Variants in NHS observed in about 807,000 individuals in gnomAD.
NHS encodes NHS actin remodeling regulator, also known as actin remodeling regulator NHS.
A neutral mutation model predicts 72.5 loss-of-function variants in NHS; 5 were observed. The observed-to-expected ratio is 0.07, with a 90% CI of 0.04 to 0.14. The LOEUF (loss-of-function observed/expected upper bound fraction) is 0.14, where lower values mean the gene tolerates loss of function less well. NHS is among the 10% of genes least tolerant of loss of function. The pLI, the probability that NHS is intolerant of heterozygous loss-of-function variation, is 1.00. For synonymous variants in NHS, 464 were observed against 547.7 expected (o/e 0.85, Z 2.13); for missense variants, 1,072 against 1,355.7 (o/e 0.79, Z 3.29).
At chrX:17,616,363 A>G (rs2065747120) in intron 1 of NHS, among the ~76,000 whole-genome samples, 2 of 112,673 alleles carry the variant, frequency 1.8e-5, no homozygotes, top group Non-Finnish European at 3.7e-5. Context: ...CAGGTAGATG[A>G]CATCTGCTTG....
intron 1 of NHS, among the ~76,000 whole-genome samples, chrX:17,507,559 T>C (rs2065064775): frequency 8.9e-6 from 1 of 112,386 alleles, no homozygotes; most frequent in Admixed American, 9.4e-5. Context: ...CCGTGCTTCT[T>C]GCCAGAAAAG....
chrX:17,379,731 C>T (rs746378890), intron 1 of NHS, among the ~76,000 whole-genome samples: 10 of 111,863 alleles, frequency 8.9e-5, no homozygotes, highest in East Asian at 5.6e-4. Context: ...GCCAAGATCG[C>T]GCCATTGCAC....
chrX:17,456,242 C>T (rs1028803519), intron 1 of NHS, among the ~76,000 whole-genome samples: 4 of 111,729 alleles, frequency 3.6e-5, no homozygotes, highest in Non-Finnish European at 5.6e-5. Context: ...GCTTCTGGCC[C>T]CTGGGAGATC....
At chrX:17,653,964 C>T (rs765279931) in intron 1 of NHS, among the ~76,000 whole-genome samples, 1 of 111,444 alleles carries the variant, frequency 9.0e-6, no homozygotes, top group African/African-American at 3.3e-5. Context: ...AAGGGAAGGA[C>T]TTCCCTTTAC....
At chrX:17,414,426 A>G (rs2064580306) in intron 1 of NHS, among the ~76,000 whole-genome samples, 1 of 112,389 alleles carries the variant, frequency 8.9e-6, no homozygotes, top group Non-Finnish European at 1.9e-5. Flanking sequence ...TAAATCATTG[A>G]CGATCATGTA....
At chrX:17,493,863 C>T (rs763375911) in intron 1 of NHS, among the ~76,000 whole-genome samples, 6 of 110,745 alleles carry the variant, frequency 5.4e-5, no homozygotes, top group African/African-American at 9.9e-5. Flanking sequence ...AAGAGCTTTC[C>T]GCTGACTTCC....
At chrX:17,616,095 A>T (rs1325995141) in intron 1 of NHS, among the ~76,000 whole-genome samples, 1 of 112,539 alleles carries the variant, frequency 8.9e-6, no homozygotes, top group Non-Finnish European at 1.9e-5. Context: ...AAATGAACAG[A>T]GTGAGCGATA....
intron 1 of NHS, among the ~76,000 whole-genome samples, chrX:17,666,202 G>A (rs1297816441): frequency 8.9e-6 from 1 of 112,271 alleles, no homozygotes; most frequent in African/African-American, 3.2e-5. Context: ...TAGATCTTAT[G>A]TAGGAAATGA....
intron 1 of NHS, among the ~76,000 whole-genome samples, chrX:17,459,153 A>G (rs866408491): frequency 3.5e-5 from 4 of 112,895 alleles, no homozygotes; most frequent in Non-Finnish European, 5.6e-5. Flanking sequence ...CTGTATGAAC[A>G]GGGAAAGTGG....
rs188873247 is a variant in NHS at position 17,470,432 on chromosome X, T to C, written c.565+94110T>C. On this transcript the variant is annotated intron_variant, in intron 1 of 8. Coordinates refer to ENST00000676302, the MANE Select transcript of NHS (RefSeq NM_001291867.2). ...TATTGCCCAAGAAGCCAAGGCATAA[T>C]ATAGAGACAGGCCCACATGAAACTG... is the stretch of plus-strand genomic sequence containing the variant. Among the ~76,000 whole-genome samples the C allele has an allele frequency of 2.2e-4, 25 of 111,861 alleles. No homozygotes were observed. The East Asian group carries it at 6.2e-3, about 28-fold the overall frequency.
At chrX:17,388,081 TTTGTTGTTG>T (rs777953478) in intron 1 of NHS, among the ~76,000 whole-genome samples, 1 of 111,829 alleles carries the variant, frequency 8.9e-6, no homozygotes, top group East Asian at 2.8e-4. Context: ...TTAAGGTTCT[TTTGTTGTTG>T]TTGTTGTTGT....
At chrX:17,729,681 A>G (rs2066474377) in intron 8 of NHS, among the ~76,000 whole-genome samples, 1 of 111,744 alleles carries the variant, frequency 8.9e-6, no homozygotes, top group Non-Finnish European at 1.9e-5. Context: ...CCTTATAGCT[A>G]ATGACCAAAG....
At chrX:17,623,811 A>G (rs2147064309) in intron 1 of NHS, among the ~76,000 whole-genome samples, 1 of 112,337 alleles carries the variant, frequency 8.9e-6, no homozygotes, top group South Asian at 3.7e-4. Context: ...AGTGGAAGAA[A>G]GGAACACAAC....
At chrX:17,455,030 T>C (rs1404265273) in intron 1 of NHS, among the ~76,000 whole-genome samples, 1 of 111,862 alleles carries the variant, frequency 8.9e-6, no homozygotes, top group African/African-American at 3.3e-5. Flanking sequence ...CAGATTTCCT[T>C]CTTTACATGG....
intron 2 of NHS, 146 bp downstream of exon 2, chrX:17,688,040 C>A: frequency 1.6e-6 from 1 of 626,155 alleles, no homozygotes; most frequent in East Asian, 3.6e-5. Flanking sequence ...GAAATGAAAT[C>A]CATGGGTAAT....
At chrX:17,692,497 T>C (rs2066203483) in intron 3 of NHS, 29 bp downstream of exon 3, 2 of 1,206,694 alleles carry the variant, frequency 1.7e-6, no homozygotes, top group Non-Finnish European at 1.1e-6. Context: ...TGCAGCCCTA[T>C]GCTTGCTGCT....
chrX:17,680,852 A>G (rs1052557454), intron 1 of NHS, among the ~76,000 whole-genome samples: 3 of 112,355 alleles, frequency 2.7e-5, no homozygotes, highest in African/African-American at 6.5e-5. Context: ...CTGAGCTGTG[A>G]CAGATGACTA....
intron 1 of NHS, among the ~76,000 whole-genome samples, chrX:17,573,947 G>A (rs769478215): frequency 8.9e-6 from 1 of 111,852 alleles, no homozygotes; most frequent in African/African-American, 3.3e-5. Context: ...CTCAGCTGCA[G>A]GTCTGTTGGA....
At chrX:17,459,931 C>G (rs1182141689) in intron 1 of NHS, among the ~76,000 whole-genome samples, 1 of 111,987 alleles carries the variant, frequency 8.9e-6, no homozygotes, top group African/African-American at 3.2e-5. Flanking sequence ...AAACAAGAGG[C>G]ATTTAATACA....
Sources: allele counts gnomAD v4.1 joint callset (sites outside exome capture counted in the v4.1 genomes callset), GRCh38; gene constraint gnomAD v4.1.1; transcripts MANE v1.5; gene names NCBI Gene and HGNC (gene_info 2026-07-23, HGNC 2026-07-21).